CPSF6: variants seen among roughly 807,000 people sequenced by gnomAD.
The protein encoded by CPSF6 is cleavage and polyadenylation specific factor 6, also known as cleavage and polyadenylation specificity factor subunit 6.
CPSF6 carries 10 observed loss-of-function variants against 56.7 expected under a neutral mutation model. That is an observed-to-expected ratio of 0.18 (90% CI 0.11 to 0.30). CPSF6 has a LOEUF of 0.30. Among genes scored for constraint, CPSF6 ranks in the 10% least tolerant of loss-of-function variants. CPSF6 has a pLI of 1.00. For synonymous variants in CPSF6, 248 were observed against 244.8 expected (o/e 1.01, Z -0.12); for missense variants, 419 against 722.9 (o/e 0.58, Z 4.82).
intron 8 of CPSF6, among the ~76,000 whole-genome samples, chr12:69,261,598 C>G (rs1268037313): frequency 6.6e-6 from 1 of 152,024 alleles, no homozygotes; most frequent in Admixed American, 6.6e-5. Flanking sequence ...TAACTTAGGC[C>G]TTGATCAAGG....
Position 69,262,319 on chromosome 12 carries a change from A to G in CPSF6, c.1470-54A>G, listed in dbSNP as rs571463827. On this transcript the variant is annotated intron_variant, in intron 8 of 9. Transcript: ENST00000435070. ...TTTTTTAGACATCAAAAAATTGAATATTTTTAGGCTATCTAATTATGGAGA... is the reference window on the plus strand; with the variant it reads ...TTTTTTAGACATCAAAAAATTGAATGTTTTTAGGCTATCTAATTATGGAGA... 242 of 1,448,434 alleles carry G rather than the reference A, an allele frequency of 1.7e-4. No individual in the cohort carries two copies. The African/African-American group carries it at 2.6e-3, about 15-fold the overall frequency. The allele number at this position is 1,448,434 out of a possible 1,614,324, so 89.7% of individuals were successfully genotyped here. A position where few individuals can be genotyped will look rare whatever the true frequency, so the allele number is the denominator to read the frequency against.
chr12:69,262,037 G>A (rs1450307583), intron 8 of CPSF6, among the ~76,000 whole-genome samples: 3 of 152,164 alleles, frequency 2.0e-5, no homozygotes, highest in Non-Finnish European at 2.9e-5. Context: ...TCTTTAGCTT[G>A]AAACACGAGT....
chr12:69,255,338 G>A (rs1277732453), intron 3 of CPSF6, among the ~76,000 whole-genome samples: 2 of 152,144 alleles, frequency 1.3e-5, no homozygotes, highest in Non-Finnish European at 2.9e-5. Flanking sequence ...ATGCCCCTGT[G>A]AATATTTGTG....
rs1275864889 is a variant in CPSF6, at chr12:69,258,009, C to A, written c.694+104C>A. The A allele has an allele frequency of 9.8e-6, 15 of 1,531,012 alleles. No homozygotes were observed. Among genetic ancestry groups the A allele is most frequent in the Non-Finnish European group, 1.3e-5 (15 of 1,127,240 alleles). 94.8% of individuals were successfully genotyped at this position (1,531,012 alleles called of 1,614,324 possible). A position where few individuals can be genotyped will look rare whatever the true frequency, so the allele number is the denominator to read the frequency against. On this transcript the variant is annotated intron_variant, in intron 5 of 9. Transcript: ENST00000435070. This position sits in a 1 kb window ranked among gnomAD's most constrained non-coding sequence, Gnocchi z 4.2. ...TGCATTATTAATGTGACTTACTCTC[C>A]TTGTTATGCTATTTTTGGAATCCAG...
chr12:69,269,171 A>T (rs1251124364), intron 9 of CPSF6, among the ~76,000 whole-genome samples: 6 of 151,848 alleles, frequency 4.0e-5, no homozygotes, highest in African/African-American at 1.4e-4. Context: ...AGCATTTTCC[A>T]TTTATTTTTG....
rs748386554 is a variant in CPSF6, at chr12:69,239,606, C to T, written c.-41C>T. 14 of 1,536,382 alleles carry T rather than the reference C, an allele frequency of 9.1e-6. No individual in the cohort carries two copies. Among genetic ancestry groups the T allele is most frequent in the African/African-American group, 4.3e-5 (3 of 69,580 alleles). On this transcript the variant is annotated 5_prime_UTR_variant, in exon 1 of 10. Coordinates refer to ENST00000435070, the MANE Select transcript of CPSF6 (RefSeq NM_007007.3). ...GCTGCTGCCGCGGCGGGCAGACCTGCAGGAGGCGGCGGCGGCGGCGGCGGC... is the reference window on the plus strand; with the variant it reads ...GCTGCTGCCGCGGCGGGCAGACCTGTAGGAGGCGGCGGCGGCGGCGGCGGC...
At chr12:69,242,190 C>T (rs1452166729) in intron 1 of CPSF6, among the ~76,000 whole-genome samples, 2 of 136,512 alleles carry the variant, frequency 1.5e-5, no homozygotes, top group Non-Finnish European at 3.1e-5. Flanking sequence ...GGCTTCAAAG[C>T]TGTTGTAAAC....
chr12:69,262,738 T>G (rs559862996), intron 9 of CPSF6, among the ~76,000 whole-genome samples, 176 bp downstream of exon 9: 1 of 152,322 alleles, frequency 6.6e-6, no homozygotes, highest in South Asian at 2.1e-4. Context: ...GTAAAAATTT[T>G]GACCCTTTAT....
intron 1 of CPSF6, among the ~76,000 whole-genome samples, chr12:69,250,225 T>C (rs921064486): frequency 2.6e-5 from 4 of 152,146 alleles, no homozygotes; most frequent in Non-Finnish European, 5.9e-5. Context: ...CTGAATACTA[T>C]AGAAAATAAT....
intron 3 of CPSF6, among the ~76,000 whole-genome samples, chr12:69,255,564 CAG>C (rs1872467687): frequency 6.6e-6 from 1 of 152,056 alleles, no homozygotes. Context: ...TTTATTGAGA[CAG>C]AGTCTCACTC....
chr12:69,254,328 CTT>C, intron 3 of CPSF6, among the ~76,000 whole-genome samples: 1 of 152,308 alleles, frequency 6.6e-6, no homozygotes, highest in East Asian at 1.9e-4. Flanking sequence ...ACATTAGTCT[CTT>C]TGCTGTTGGC....
At chr12:69,267,716 T>C (rs540722965) in intron 9 of CPSF6, among the ~76,000 whole-genome samples, 1 of 151,964 alleles carries the variant, frequency 6.6e-6, no homozygotes, top group East Asian at 1.9e-4. Flanking sequence ...TGTTTAGAAA[T>C]AGAAATAAAA....
intron 1 of CPSF6, 142 bp from the exon 2 acceptor site, chr12:69,250,987 C>T: frequency 2.5e-6 from 2 of 806,564 alleles, no homozygotes; most frequent in East Asian, 2.7e-5. Flanking sequence ...ACATCTATTG[C>T]ATAAAGTGGA....
chr12:69,245,148 C>G (rs2120435098), intron 1 of CPSF6, among the ~76,000 whole-genome samples: 1 of 147,776 alleles, frequency 6.8e-6, no homozygotes, highest in Non-Finnish European at 1.5e-5. Flanking sequence ...ATAATAAATA[C>G]ATAAACCAGT....
At position 69,259,416 on chromosome 12, in the gene CPSF6, T is replaced by A; in HGVS notation, c.1200-12T>A. The A allele has an allele frequency of 6.2e-7, 1 of 1,608,966 alleles. No homozygotes were observed. On this transcript the variant is annotated splice_polypyrimidine_tract_variant and intron_variant, in intron 6 of 9. Coordinates refer to ENST00000435070, the MANE Select transcript of CPSF6 (RefSeq NM_007007.3). The stretch of plus-strand genomic sequence containing the variant: ...TTGAGTATGAGTTAAGGTTTATGTT[T>A]TTGTTTTACAGGGAAATGGATACTG...
chr12:69,248,183 A>G (rs1565643555), intron 1 of CPSF6, among the ~76,000 whole-genome samples: 1 of 152,222 alleles, frequency 6.6e-6, no homozygotes, highest in African/African-American at 2.4e-5. Context: ...ATGCTTGTAA[A>G]TTTTTTGTCT....
chr12:69,264,786 A>C (rs1267590223), intron 9 of CPSF6, among the ~76,000 whole-genome samples: 7 of 152,282 alleles, frequency 4.6e-5, no homozygotes, highest in Non-Finnish European at 1.5e-5. Context: ...AATATATTCA[A>C]GTAAATCTTT....
chr12:69,244,106 C>A (rs771632435), intron 1 of CPSF6, among the ~76,000 whole-genome samples: 1 of 152,204 alleles, frequency 6.6e-6, no homozygotes, highest in African/African-American at 2.4e-5. Context: ...AGGCGTGAGC[C>A]ACTGTGACTG....
Position 69,258,177 on chromosome 12 carries a change from A to G in CPSF6, c.694+272A>G. On this transcript the variant is annotated intron_variant, in intron 5 of 9. Transcript: ENST00000435070. This position sits in a 1 kb window ranked among gnomAD's most constrained non-coding sequence, Gnocchi z 4.2. Reference sequence around the variant, plus strand: ...ATTTTTCTCCAAACTTGCTTGACTTATATATAGAATATTTACATCCGTCTT... The same window carrying G: ...ATTTTTCTCCAAACTTGCTTGACTTGTATATAGAATATTTACATCCGTCTT... The G allele has an allele frequency of 8.8e-7, 1 of 1,136,720 alleles. No homozygotes were observed. 70.4% of individuals were successfully genotyped at this position (1,136,720 alleles called of 1,614,324 possible). A position where few individuals can be genotyped will look rare whatever the true frequency, so the allele number is the denominator to read the frequency against.
Sources: allele counts gnomAD v4.1 joint callset (sites outside exome capture counted in the v4.1 genomes callset), GRCh38; gene constraint gnomAD v4.1.1; non-coding constraint Gnocchi (gnomAD v3.1); transcripts MANE v1.5; gene names NCBI Gene and HGNC (gene_info 2026-07-23, HGNC 2026-07-21).